Variants in NOTCH4 observed in about 807,000 individuals in gnomAD.
NOTCH4 encodes notch receptor 4, also known as neurogenic locus notch homolog protein 4.
Under a neutral mutation model 189.0 loss-of-function variants are expected in NOTCH4, and 138 were observed. That is an observed-to-expected ratio of 0.73 (90% CI 0.64 to 0.84). The LOEUF is 0.84. Ranked by LOEUF, NOTCH4 falls within the 40% of genes least tolerant of loss-of-function variation. The pLI is 0.00. For missense variants in NOTCH4, 2,286 were observed against 2,605.4 expected (o/e 0.88, Z 2.67); for synonymous variants, 942 against 1,032.8 (o/e 0.91, Z 1.69).
chr6:32,212,364 C>T lies in NOTCH4; in HGVS notation c.2680+110G>A. 4 of 1,012,610 alleles carry T rather than the reference C, an allele frequency of 4.0e-6. No homozygotes were observed. The highest frequency in any genetic ancestry group is 5.9e-6 in the Non-Finnish European group (4 of 681,090). The allele number at this position is 1,012,610 out of a possible 1,614,324, so 62.7% of individuals were successfully genotyped here. A position where few individuals can be genotyped will look rare whatever the true frequency, so the allele number is the denominator to read the frequency against. On this transcript the variant is annotated intron_variant, in intron 17 of 29. Coordinates refer to ENST00000375023, the MANE Select transcript of NOTCH4 (RefSeq NM_004557.4). The surrounding 1 kb of genome is among the most constrained non-coding windows in gnomAD (Gnocchi z 4.4). ...CTGATTTGTCTGTGTGGTTTTGATT[C>T]TCAGATGGTTGTTTTGGCCAAAAGC...
intron 18 of NOTCH4, among the ~76,000 whole-genome samples, chr6:32,207,131 A>G (rs1382097802): frequency 6.6e-6 from 1 of 151,116 alleles, no homozygotes; most frequent in East Asian, 2.0e-4. Context: ...GGGTTTCACT[A>G]TGTTGGTCAG....
chr6:32,223,983 C>T lies in NOTCH4; in HGVS notation c.-55G>A. 2.0e-6 allele frequency: 3 copies of T among 1,529,716 alleles called. No homozygotes were observed. The highest frequency in any genetic ancestry group is 1.4e-5 in the African/African-American group (1 of 72,398). The allele number at this position is 1,529,716 out of a possible 1,614,324, so 94.8% of individuals were successfully genotyped here. A position where few individuals can be genotyped will look rare whatever the true frequency, so the allele number is the denominator to read the frequency against. On this transcript the variant is annotated 5_prime_UTR_variant, in exon 1 of 30. Coordinates refer to ENST00000375023, the MANE Select transcript of NOTCH4 (RefSeq NM_004557.4). ...CTGTCCCTCTTCAGGCAGGGACCCT[C>T]AGAGCTCTCACTGGGGCAGGAGCCA...
chr6:32,201,386 G>A lies in NOTCH4; in HGVS notation c.3870C>T (p.Asp1290=), dbSNP rs1379328383. Residue 1290 remains aspartate, a synonymous_variant, in exon 22 of 30, where the codon GAC becomes GAT. Coordinates refer to ENST00000375023, the MANE Select transcript of NOTCH4 (RefSeq NM_004557.4). The surrounding 1 kb of genome is among the most constrained non-coding windows in gnomAD (Gnocchi z 5.5). ...GGGCCAGGGAGGGCCCCCACTCTGG[G>A]TCCCCATCTTCAGGCCTGCAGTCAC... ...DGGDCRPEDG[D]PEWGPSLALL... 6.3e-7 allele frequency: 1 copy of A among 1,587,058 alleles called. No homozygotes were observed. The highest frequency in any genetic ancestry group is 8.6e-7 in the Non-Finnish European group (1 of 1,167,012).
intron 2 of NOTCH4, 36 bp from the exon 3 acceptor site, chr6:32,222,842 GT>G (rs1280743288): frequency 6.2e-7 from 1 of 1,604,510 alleles, no homozygotes; most frequent in African/African-American, 1.3e-5. Context: ...CACATCACTG[GT>G]CCCTCTTCCT....
At chr6:32,197,656 T>A (rs1320800662) in intron 26 of NOTCH4, 62 bp from the exon 27 acceptor site, 1 of 1,441,758 alleles carries the variant, frequency 6.9e-7, no homozygotes, top group Non-Finnish European at 9.4e-7. Flanking sequence ...AGGGACAACA[T>A]GTAAGCTCAG....
intron 13 of NOTCH4, 37 bp downstream of exon 13, chr6:32,214,073 C>G (rs199887846): frequency 7.6e-6 from 12 of 1,580,670 alleles, no homozygotes; most frequent in Non-Finnish European, 1.0e-5. Flanking sequence ...TAGGGGGTGA[C>G]CAGCACAGGG....
rs753044693 is a variant in NOTCH4 at position 32,222,780 on chromosome 6, G to A, written c.182C>T (p.Thr61Met). ...CQCAPGFLGE[T>M]CQFPDPCQNA... is the part of the protein sequence containing the mutation. The stretch of plus-strand genomic sequence containing the variant: ...CTGGCAGGGGTCAGGAAACTGGCAC[G>A]TCTCACCCAGGAAGCCAGGGGCACA... The change falls in exon 3 of 30, where the codon ACG becomes ATG. Residue 61 changes from threonine to methionine, a missense_variant. By Grantham distance (81) the Thr-to-Met change is moderately conservative. Coordinates refer to ENST00000375023, the MANE Select transcript of NOTCH4 (RefSeq NM_004557.4). The A allele has an allele frequency of 2.7e-5, 43 of 1,610,556 alleles. No homozygotes were observed. In the East Asian group the frequency reaches 2.7e-4, roughly 10 times the overall value.
At chr6:32,218,599 C>T (rs1789562451) in intron 8 of NOTCH4, among the ~76,000 whole-genome samples, 4 of 152,298 alleles carry the variant, frequency 2.6e-5, no homozygotes, top group Admixed American at 2.6e-4. Flanking sequence ...TCCTGGTCTC[C>T]ACTGTTTCAT....
chr6:32,214,027 A>G, intron 13 of NOTCH4, 83 bp downstream of exon 13: 1 of 1,504,638 alleles, frequency 6.6e-7, no homozygotes, highest in African/African-American at 1.4e-5. Context: ...GGTGACTGAG[A>G]CTCAGGGCCC....
chr6:32,223,611 G>A (rs1789935270), intron 1 of NOTCH4, among the ~76,000 whole-genome samples: 3 of 151,772 alleles, frequency 2.0e-5, no homozygotes, highest in South Asian at 2.1e-4. Context: ...CAGTGCTGAC[G>A]AGGTTCTTCC....
chr6:32,200,826 C>G lies in NOTCH4; in HGVS notation c.4315+5G>C. The G allele has an allele frequency of 6.3e-7, 1 of 1,595,388 alleles. No homozygotes were observed. Among genetic ancestry groups the G allele is most frequent in the Non-Finnish European group, 8.5e-7 (1 of 1,171,656 alleles). Reference sequence around the variant, plus strand: ...GGTCAGAGAAAGTGGCAAGGGGTCACCTACCGGTCCCTGCATGAGGGTGGA... The same window carrying G: ...GGTCAGAGAAAGTGGCAAGGGGTCAGCTACCGGTCCCTGCATGAGGGTGGA... On this transcript the variant is annotated splice_donor_5th_base_variant and intron_variant, in intron 23 of 29. Coordinates refer to ENST00000375023, the MANE Select transcript of NOTCH4 (RefSeq NM_004557.4). The surrounding 1 kb of genome is among the most constrained non-coding windows in gnomAD (Gnocchi z 5.0).
chr6:32,218,363 G>A (rs1448325938), intron 8 of NOTCH4, among the ~76,000 whole-genome samples: 1 of 152,172 alleles, frequency 6.6e-6, no homozygotes, highest in Non-Finnish European at 1.5e-5. Context: ...GCTTTCTGGT[G>A]GCCATTCCTG....
At position 32,217,961 on chromosome 6, in the gene NOTCH4, G is replaced by T. The variant is rs1342394774; in HGVS notation, c.1624+34C>A. The T allele has an allele frequency of 2.1e-6, 3 of 1,399,960 alleles. No individual in the cohort carries two copies. The highest frequency in any genetic ancestry group is 3.0e-6 in the Non-Finnish European group (3 of 987,698). The allele number at this position is 1,399,960 out of a possible 1,614,324, so 86.7% of individuals were successfully genotyped here. A position where few individuals can be genotyped will look rare whatever the true frequency, so the allele number is the denominator to read the frequency against. Reference sequence around the variant, plus strand: ...AACTCTGCAGGTTCAGAGGCCTGGGGTCTGAGGGTGGCCAGAGAGGCATCT... The same window carrying T: ...AACTCTGCAGGTTCAGAGGCCTGGGTTCTGAGGGTGGCCAGAGAGGCATCT... On this transcript the variant is annotated intron_variant, in intron 9 of 29. Transcript: ENST00000375023. The surrounding 1 kb of genome is among the most constrained non-coding windows in gnomAD (Gnocchi z 4.2).
intron 17 of NOTCH4, among the ~76,000 whole-genome samples, chr6:32,211,434 A>G (rs1287450322): frequency 2.0e-4 from 29 of 143,128 alleles, no homozygotes; most frequent in Admixed American, 1.9e-3. Context: ...TACTAAAAAT[A>G]CAAAAAAAAA....
At position 32,195,681 on chromosome 6, in the gene NOTCH4, G is replaced by A. The variant is rs771470367; in HGVS notation, c.5768C>T (p.Pro1923Leu). 3 of 1,612,966 alleles carry A rather than the reference G, an allele frequency of 1.9e-6. No homozygotes were observed. The South Asian group carries it at 3.3e-5, about 18-fold the overall frequency. Reference protein sequence around the residue: ...GRRFSAGMRGPRPNPAIMRGR... With the variant: ...GRRFSAGMRGLRPNPAIMRGR... ...TCGCATTATCGCAGGGTTGGGCCGA[G>A]GCCCGCGCATGCCTGCAGAAAACCT... The change falls in exon 30 of 30, where the codon CCT (proline) becomes CTT (leucine). Residue 1923 changes from proline (P) to leucine (L), a missense_variant. Transcript: ENST00000375023. The surrounding 1 kb of genome is among the most constrained non-coding windows in gnomAD (Gnocchi z 5.4).
In NOTCH4 at chr6:32,210,704, C is replaced by T; in HGVS notation, c.2865+48G>A. The T allele has an allele frequency of 3.2e-6, 5 of 1,582,104 alleles. No homozygotes were observed. Among genetic ancestry groups the T allele is most frequent in the Middle Eastern group, 4.5e-4 (2 of 4,486 alleles). On this transcript the variant is annotated intron_variant, in intron 18 of 29. Coordinates refer to ENST00000375023, the MANE Select transcript of NOTCH4 (RefSeq NM_004557.4). This position sits in a 1 kb window ranked among gnomAD's most constrained non-coding sequence, Gnocchi z 4.8. ...CCTCAGTCACTACTGTCTCTCCCAT[C>T]CAGCCCACCCTTGTCTTTCCTCCCC...
chr6:32,195,657 C>T lies in NOTCH4; in HGVS notation c.5792G>A (p.Arg1931Gln), dbSNP rs752960355. Reference sequence around the variant, plus strand: ...CCCGGCAGCCACTCCGTATCTTCCTCGCATTATCGCAGGGTTGGGCCGAGG... The same window carrying T: ...CCCGGCAGCCACTCCGTATCTTCCTTGCATTATCGCAGGGTTGGGCCGAGG... ...RGPRPNPAIM[R>Q]GRYGVAAGRG... The change falls in exon 30 of 30, where the codon CGA becomes CAA. Residue 1931 changes from arginine to glutamine, a missense_variant. Physicochemically the swap from Arg to Gln is conservative, Grantham distance 43. Transcript: ENST00000375023. The surrounding 1 kb of genome is among the most constrained non-coding windows in gnomAD (Gnocchi z 5.4). The T allele has an allele frequency of 9.3e-6, 15 of 1,612,952 alleles. No individual in the cohort carries two copies. Among genetic ancestry groups the T allele is most frequent in the South Asian group, 8.8e-5 (8 of 91,070 alleles).
chr6:32,213,278 T>C, intron 14 of NOTCH4, 26 bp from the exon 15 acceptor site: 5 of 1,546,948 alleles, frequency 3.2e-6, no homozygotes, highest in Non-Finnish European at 4.5e-6. Flanking sequence ...TGTGAGGGTT[T>C]GGGTTCCTTG....
chr6:32,205,928 T>A (rs1788649796), intron 18 of NOTCH4, among the ~76,000 whole-genome samples: 2 of 151,796 alleles, frequency 1.3e-5, no homozygotes, highest in African/African-American at 4.8e-5. Flanking sequence ...TCCCAGCTAC[T>A]GGGGAGGCTG....
Sources: gnomAD v4.1 joint callset for allele counts (sites outside exome capture counted in the v4.1 genomes callset) on GRCh38, gnomAD v4.1.1 for gene constraint, Gnocchi (gnomAD v3.1) non-coding constraint, MANE v1.5 for transcripts, NCBI Gene and HGNC (gene_info 2026-07-23, HGNC 2026-07-21) for gene names.